Variants in RARB observed in about 807,000 individuals in gnomAD.
RARB encodes the protein retinoic acid receptor beta.
In RARB, 17 loss-of-function variants were observed where a neutral mutation model predicts 51.9. That is an observed-to-expected ratio of 0.33 (90% CI 0.22 to 0.49). The LOEUF is 0.49. RARB is among the 20% of genes least tolerant of loss of function. The pLI is 0.99. For synonymous variants in RARB, 215 were observed against 195.4 expected, an observed-to-expected ratio of 1.10 and a Z score of -0.84; for missense variants, 369 against 550.8, an observed-to-expected ratio of 0.67 and a Z score of 3.30.
intron 2 of RARB, among the ~76,000 whole-genome samples, chr3:25,473,457 C>T (rs1451849477): frequency 6.6e-6 from 1 of 152,180 alleles, no homozygotes; most frequent in Non-Finnish European, 1.5e-5. Context: ...GATGACATTC[C>T]TTTGCTAGCA....
At chr3:24,928,697 C>A (rs1695376254) in intron 2 of RARB, among the ~76,000 whole-genome samples, 2 of 151,934 alleles carry the variant, frequency 1.3e-5, no homozygotes, top group African/African-American at 2.4e-5. Flanking sequence ...CCTGTATATC[C>A]CTCCACAGAC....
chr3:24,936,898 A>G (rs1695558550), intron 2 of RARB, among the ~76,000 whole-genome samples: 1 of 152,082 alleles, frequency 6.6e-6, no homozygotes, highest in South Asian at 2.1e-4. Context: ...AATGCTCTGG[A>G]GTGTGTTTGG....
chr3:25,489,210 TATTTA>T (rs1187817488), intron 2 of RARB, among the ~76,000 whole-genome samples: 1 of 152,224 alleles, frequency 6.6e-6, no homozygotes, highest in African/African-American at 2.4e-5. Context: ...ATTGGGGACC[TATTTA>T]ATTTCAAATC....
intron 2 of RARB, among the ~76,000 whole-genome samples, chr3:25,466,631 C>G (rs1490670935): frequency 1.3e-5 from 2 of 152,188 alleles, no homozygotes; most frequent in Non-Finnish European, 2.9e-5. Context: ...AACACTGCCT[C>G]TTTCCTTCAA....
At chr3:25,041,302 T>C (rs1360459747) in intron 2 of RARB, among the ~76,000 whole-genome samples, 1 of 152,344 alleles carries the variant, frequency 6.6e-6, no homozygotes, top group African/African-American at 2.4e-5. Flanking sequence ...TGATGAATTT[T>C]TCTACTGATA....
Position 25,593,497 on chromosome 3 carries a change from T to C in RARB, c.787-6T>C, listed in dbSNP as rs748495805. Reference sequence around the variant, plus strand: ...AGAACATCCATCAATTTTTTTTTCCTTCCAGATTCTTAGAATTTGCACCAG... The same window carrying C: ...AGAACATCCATCAATTTTTTTTTCCCTCCAGATTCTTAGAATTTGCACCAG... On this transcript the variant is annotated splice_polypyrimidine_tract_variant and splice_region_variant and intron_variant, in intron 5 of 7. Coordinates refer to ENST00000330688, the MANE Select transcript of RARB (RefSeq NM_000965.5). 17 of 1,612,610 alleles carry C rather than the reference T, an allele frequency of 1.1e-5. No individual in the cohort carries two copies. The highest frequency in any genetic ancestry group is 1.4e-5 in the Non-Finnish European group (16 of 1,178,914).
chr3:25,141,624 A>T (rs1378782725), intron 4 of RARB, among the ~76,000 whole-genome samples: 1 of 152,194 alleles, frequency 6.6e-6, no homozygotes, highest in East Asian at 1.9e-4. Flanking sequence ...ACTCCTTGCC[A>T]CCATTTTCCA....
At chr3:25,488,258 A>G (rs1696563734) in intron 2 of RARB, among the ~76,000 whole-genome samples, 1 of 152,220 alleles carries the variant, frequency 6.6e-6, no homozygotes. Context: ...AAAACTCTGA[A>G]TAAAAATATC....
intron 2 of RARB, among the ~76,000 whole-genome samples, chr3:25,003,725 T>C (rs1697214197): frequency 6.6e-6 from 1 of 152,082 alleles, no homozygotes. Flanking sequence ...TGGATGGAAG[T>C]TACATGGAAT....
intron 5 of RARB, among the ~76,000 whole-genome samples, chr3:25,327,384 G>A (rs918300159): frequency 6.6e-6 from 1 of 152,032 alleles, no homozygotes; most frequent in African/African-American, 2.4e-5. Flanking sequence ...AAAAAAGGAG[G>A]GGGAACATTA....
chr3:25,534,952 C>A (rs1300088509), intron 3 of RARB, among the ~76,000 whole-genome samples: 1 of 152,140 alleles, frequency 6.6e-6, no homozygotes, highest in Non-Finnish European at 1.5e-5. Flanking sequence ...TGTATGCTTG[C>A]CAGTAAAGTG....
intron 1 of RARB, among the ~76,000 whole-genome samples, chr3:25,442,794 G>A (rs1365379914): frequency 6.6e-6 from 1 of 152,118 alleles, no homozygotes; most frequent in Non-Finnish European, 1.5e-5. Flanking sequence ...GCTAAACCAA[G>A]ATTTTTGCAG....
intron 1 of RARB, among the ~76,000 whole-genome samples, chr3:25,432,776 TAA>T: frequency 6.6e-6 from 1 of 152,214 alleles, no homozygotes; most frequent in South Asian, 2.1e-4. Flanking sequence ...ACAAAGATTA[TAA>T]ATTCTACTCT....
intron 2 of RARB, among the ~76,000 whole-genome samples, chr3:25,020,012 A>G (rs867066179): frequency 6.6e-5 from 10 of 152,088 alleles, no homozygotes; most frequent in Admixed American, 1.3e-4. Flanking sequence ...TACACAGAGA[A>G]TATGACCTTT....
chr3:25,356,565 G>T (rs943274862), intron 5 of RARB, among the ~76,000 whole-genome samples: 1 of 151,670 alleles, frequency 6.6e-6, no homozygotes, highest in Non-Finnish European at 1.5e-5. Context: ...TGCAGAATGC[G>T]CAGGTTTGTT....
chr3:25,206,549 A>G (rs1374766776), intron 5 of RARB, among the ~76,000 whole-genome samples: 2 of 152,168 alleles, frequency 1.3e-5, no homozygotes, highest in Non-Finnish European at 1.5e-5. Context: ...TTTTGAGGTC[A>G]TTCCCTGTGC....
chr3:24,877,496 T>A (rs914706271), intron 2 of RARB, among the ~76,000 whole-genome samples: 1 of 151,872 alleles, frequency 6.6e-6, no homozygotes, highest in African/African-American at 2.4e-5. Context: ...GAAACAGTTA[T>A]GGTGACTTCA....
chr3:25,407,492 C>T (rs1707444157), intron 5 of RARB, among the ~76,000 whole-genome samples: 1 of 152,158 alleles, frequency 6.6e-6, no homozygotes, highest in Non-Finnish European at 1.5e-5. Context: ...TATTATAATC[C>T]CTGATTCTAC....
chr3:24,972,230 A>G (rs1198679125), intron 2 of RARB, among the ~76,000 whole-genome samples: 1 of 152,012 alleles, frequency 6.6e-6, no homozygotes, highest in Non-Finnish European at 1.5e-5. Context: ...CATATGAGTG[A>G]GAACATGTGA....
Sources: gnomAD v4.1 joint callset for allele counts (sites outside exome capture counted in the v4.1 genomes callset) on GRCh38, gnomAD v4.1.1 for gene constraint, MANE v1.5 for transcripts, NCBI Gene and HGNC (gene_info 2026-07-23, HGNC 2026-07-21) for gene names.